Variants in ZNF184 observed in about 807,000 individuals in gnomAD.
ZNF184 encodes the protein zinc finger protein 184 (Kruppel-like).
Under a neutral mutation model 54.4 loss-of-function variants are expected in ZNF184, and 16 were observed. The ratio of observed to expected loss-of-function variants is 0.29; its 90% CI spans 0.20 to 0.45. The LOEUF (loss-of-function observed/expected upper bound fraction) is 0.45. Among genes scored for constraint, ZNF184 ranks in the 20% least tolerant of loss-of-function variants. The probability of loss-of-function intolerance (pLI) is 1.00; values close to 1 mark genes in which losing one functional copy is unlikely to be tolerated. For missense variants in ZNF184, 681 were observed against 888.2 expected, an observed-to-expected ratio of 0.77 and a Z score of 2.97; for synonymous variants, 254 against 295.3, an observed-to-expected ratio of 0.86 and a Z score of 1.43.
At chr6:27,436,531 C>T in the ZNF184 span, among the ~76,000 whole-genome samples, 9 of 152,094 alleles carry the variant, frequency 5.9e-5, no homozygotes, top group East Asian at 7.7e-4. Flanking sequence ...TTAAGGAAGG[C>T]GATCATGTAA....
the ZNF184 span, among the ~76,000 whole-genome samples, chr6:27,422,212 G>GAAAGAAAGAAAGAA: frequency 8.9e-6 from 1 of 112,052 alleles, no homozygotes; most frequent in East Asian, 2.7e-4. Context: ...AAGAAAGAAA[G>GAAAGAAAGAAAGAA]AAAGAAAAGA....
At chr6:27,423,603 A>G in the ZNF184 span, among the ~76,000 whole-genome samples, 1 of 150,616 alleles carries the variant, frequency 6.6e-6, no homozygotes, top group Non-Finnish European at 1.5e-5. Flanking sequence ...ACGCACAAAT[A>G]CACACCCTGA....
chr6:27,459,250 AAG>A (rs1417765305), intron 3 of ZNF184, among the ~76,000 whole-genome samples: 1 of 152,246 alleles, frequency 6.6e-6, no homozygotes, highest in Admixed American at 6.5e-5. Context: ...TCACAACACA[AAG>A]AAGTGATAAA....
chr6:27,446,034 G>A (rs1203622162), downstream of ZNF184, among the ~76,000 whole-genome samples: 1 of 152,206 alleles, frequency 6.6e-6, no homozygotes, highest in African/African-American at 2.4e-5. Context: ...AAGAGAATCA[G>A]GGTAGAAATA....
the ZNF184 span, among the ~76,000 whole-genome samples, chr6:27,429,955 T>C: frequency 1.3e-5 from 2 of 152,196 alleles, no homozygotes; most frequent in Non-Finnish European, 2.9e-5. Flanking sequence ...TGAAAACTTA[T>C]ATAGTGAATT....
chr6:27,458,426 A>T (rs943128618), intron 3 of ZNF184, among the ~76,000 whole-genome samples: 2 of 152,064 alleles, frequency 1.3e-5, no homozygotes, highest in Non-Finnish European at 2.9e-5. Flanking sequence ...AACAGCAAAA[A>T]AATAAATAAT....
At chr6:27,457,636 A>G (rs894037791) in intron 3 of ZNF184, among the ~76,000 whole-genome samples, 4 of 152,226 alleles carry the variant, frequency 2.6e-5, no homozygotes, top group Non-Finnish European at 5.9e-5. Flanking sequence ...CTGGCATATA[A>G]TAAGTGCTCA....
the ZNF184 span, among the ~76,000 whole-genome samples, chr6:27,434,061 C>G: frequency 6.9e-6 from 1 of 145,738 alleles, no homozygotes; most frequent in Admixed American, 7.1e-5. Context: ...TGCTTTGTCA[C>G]CCAGGCTGCA....
chr6:27,430,550 A>G, the ZNF184 span, among the ~76,000 whole-genome samples: 1 of 152,180 alleles, frequency 6.6e-6, no homozygotes, highest in African/African-American at 2.4e-5. Flanking sequence ...AGAGGAGGGT[A>G]CAATGGAGGC....
chr6:27,455,922 G>C lies in ZNF184; in HGVS notation c.298+904C>G, dbSNP rs114442427. On this transcript the variant is annotated intron_variant, in intron 5 of 5. Coordinates refer to ENST00000683788, the MANE Select transcript of ZNF184 (RefSeq NM_001318891.2). Reference sequence around the variant, plus strand: ...CAGTTTGGAAACTGATGATTTAGAAGAAAGTTATTCATAATTTCAAAAACT... The same window carrying C: ...CAGTTTGGAAACTGATGATTTAGAACAAAGTTATTCATAATTTCAAAAACT... Among the ~76,000 whole-genome samples, 120 of 152,254 alleles carry C rather than the reference G, an allele frequency of 7.9e-4. 1 individual carries two copies. Among genetic ancestry groups the C allele is most frequent in the African/African-American group, 2.7e-3 (113 of 41,558 alleles).
chr6:27,446,702 C>T (rs538871421), downstream of ZNF184, among the ~76,000 whole-genome samples: 1 of 152,306 alleles, frequency 6.6e-6, no homozygotes, highest in South Asian at 2.1e-4. Context: ...GCAACACCAG[C>T]CTGGGAGAAC....
chr6:27,469,736 A>C (rs1763228282), intron 2 of ZNF184, among the ~76,000 whole-genome samples: 1 of 152,224 alleles, frequency 6.6e-6, no homozygotes, highest in Non-Finnish European at 1.5e-5. Flanking sequence ...AAAAACAATC[A>C]AACAGGTAAG....
chr6:27,467,258 T>C (rs1323865263), intron 3 of ZNF184, among the ~76,000 whole-genome samples: 1 of 152,092 alleles, frequency 6.6e-6, no homozygotes, highest in African/African-American at 2.4e-5. Flanking sequence ...CTTTCTTACA[T>C]TTACCTGTTT....
At chr6:27,436,807 C>T in the ZNF184 span, among the ~76,000 whole-genome samples, 3 of 152,268 alleles carry the variant, frequency 2.0e-5, no homozygotes, top group South Asian at 6.2e-4. Context: ...CAACTAGGAT[C>T]GTGACCAGCT....
At chr6:27,423,400 T>G in the ZNF184 span, among the ~76,000 whole-genome samples, 1 of 152,202 alleles carries the variant, frequency 6.6e-6, no homozygotes, top group Admixed American at 6.5e-5. Context: ...TTTGTTAGAT[T>G]TTATTCACAT....
chr6:27,459,441 C>A (rs1762944740), intron 3 of ZNF184, among the ~76,000 whole-genome samples: 1 of 151,774 alleles, frequency 6.6e-6, no homozygotes, highest in Non-Finnish European at 1.5e-5. Flanking sequence ...GCCAACAACC[C>A]AAATAGGCAA....
intron 3 of ZNF184, among the ~76,000 whole-genome samples, chr6:27,463,729 A>G (rs1763057074): frequency 6.6e-6 from 1 of 152,130 alleles, no homozygotes; most frequent in Non-Finnish European, 1.5e-5. Flanking sequence ...AGATAAAAAC[A>G]ACAGTAACTT....
chr6:27,459,309 C>A (rs548185151), intron 3 of ZNF184, among the ~76,000 whole-genome samples: 46 of 151,960 alleles, frequency 3.0e-4, no homozygotes, highest in Admixed American at 9.8e-4. Flanking sequence ...TATCATTACA[C>A]ATTGTATTCA....
chr6:27,424,025 C>T, the ZNF184 span, among the ~76,000 whole-genome samples: 1 of 152,148 alleles, frequency 6.6e-6, no homozygotes, highest in Non-Finnish European at 1.5e-5. Context: ...AATGAAGCCA[C>T]GAACCCTCGC....
Sources: gnomAD v4.1 joint callset for allele counts (sites outside exome capture counted in the v4.1 genomes callset) on GRCh38, gnomAD v4.1.1 for gene constraint, MANE v1.5 for transcripts, NCBI Gene and HGNC (gene_info 2026-07-23, HGNC 2026-07-21) for gene names.